Variants in ETHE1 observed in about 807,000 individuals in gnomAD.
ETHE1 encodes persulfide dioxygenase ETHE1, mitochondrial.
ETHE1 carries 16 observed loss-of-function variants against 25.7 expected under a neutral mutation model. That is an observed-to-expected ratio of 0.62 (90% CI 0.42 to 0.95). The LOEUF is 0.95. Among genes scored for constraint, ETHE1 ranks in the 40% least tolerant of loss-of-function variants. ETHE1 has a pLI of 0.00. For synonymous variants in ETHE1, 139 were observed against 135.9 expected (o/e 1.02, Z -0.16); for missense variants, 300 against 333.6 (o/e 0.90, Z 0.79).
At chr19:43,518,106 TA>T (rs765405657) in intron 3 of ETHE1, among the ~76,000 whole-genome samples, 6 of 146,154 alleles carry the variant, frequency 4.1e-5, no homozygotes, top group Non-Finnish European at 7.6e-5. Context: ...AAATAAATAA[TA>T]AAAAAGAAAA....
At chr19:43,513,797 C>A (rs1339162539) in intron 3 of ETHE1, among the ~76,000 whole-genome samples, 1 of 151,534 alleles carries the variant, frequency 6.6e-6, no homozygotes, top group East Asian at 1.9e-4. Context: ...TCTTGGCTCA[C>A]TGCAACCTCT....
intron 1 of ETHE1, 112 bp downstream of exon 1, chr19:43,526,985 C>A (rs1972265145): frequency 2.0e-6 from 3 of 1,532,406 alleles, no homozygotes; most frequent in Middle Eastern, 1.7e-4. Context: ...CCGCTTTCCG[C>A]AAGATGCAGG....
chr19:43,510,815 G>T (rs1971899702), intron 4 of ETHE1, among the ~76,000 whole-genome samples: 1 of 152,010 alleles, frequency 6.6e-6, no homozygotes, highest in African/African-American at 2.4e-5. Flanking sequence ...CTGGGTACCG[G>T]TCCGTGGTCT....
rs78536772 is a variant in ETHE1, at chr19:43,518,232, G to A, written c.376-6666C>T. The stretch of plus-strand genomic sequence containing the variant: ...TGTATCCTGGTTCCTAAAAACAGCC[G>A]TAGGCTGGGCACCGTGGCTCACACC... On this transcript the variant is annotated intron_variant, in intron 3 of 6. Coordinates refer to ENST00000292147, the MANE Select transcript of ETHE1 (RefSeq NM_014297.5). Among the ~76,000 whole-genome samples, 260 of 151,920 alleles carry A rather than the reference G, an allele frequency of 1.7e-3. 8 individuals carry two copies. In the East Asian group the frequency reaches 0.044, roughly 26 times the overall value.
rs539333907 is a variant in ETHE1 at position 43,516,353 on chromosome 19, G to A, written c.376-4787C>T. ...CTCACTCTGTCACCCAGGCTGGAGT[G>A]CAGTGGTGCGATCTCGGCTCACTGC... On this transcript the variant is annotated intron_variant, in intron 3 of 6. Coordinates refer to ENST00000292147, the MANE Select transcript of ETHE1 (RefSeq NM_014297.5). Among the ~76,000 whole-genome samples, 190 of 152,040 alleles carry A rather than the reference G, an allele frequency of 1.2e-3. 1 individual carries two copies. Among genetic ancestry groups the A allele is most frequent in the Admixed American group, 0.011 (163 of 15,260 alleles).
chr19:43,510,801 A>G (rs1971899374), intron 4 of ETHE1, among the ~76,000 whole-genome samples: 1 of 151,952 alleles, frequency 6.6e-6, no homozygotes, highest in South Asian at 2.1e-4. Flanking sequence ...GGGGGTCCTT[A>G]ACCCTGGGTA....
chr19:43,511,698 G>T, intron 3 of ETHE1, 132 bp from the exon 4 acceptor site: 1 of 999,568 alleles, frequency 1.0e-6, no homozygotes, highest in Non-Finnish European at 1.4e-6. Context: ...TTCCCAGGCT[G>T]TAATCTTATA....
At chr19:43,522,566 TC>T (rs965001053) in intron 3 of ETHE1, among the ~76,000 whole-genome samples, 1 of 152,200 alleles carries the variant, frequency 6.6e-6, no homozygotes, top group African/African-American at 2.4e-5. Context: ...AACCTCCACC[TC>T]CCGGGGGAGG....
At chr19:43,517,971 A>G (rs1055976395) in intron 3 of ETHE1, among the ~76,000 whole-genome samples, 3 of 151,590 alleles carry the variant, frequency 2.0e-5, no homozygotes, top group African/African-American at 4.8e-5. Flanking sequence ...ACAAAAAACA[A>G]AAGTCAATAT....
In ETHE1 at chr19:43,526,126, G is replaced by GC. The variant is rs1023865477; in HGVS notation, c.375+74dup. ...CCTCCCCAAGGACTCAGGATCCCAG[G>GC]CCCCCAGTCCCCTCTTCCCTTAAGT... On this transcript the variant is annotated intron_variant, in intron 3 of 6. Transcript: ENST00000292147. 8.1e-6 allele frequency: 13 copies of GC among 1,605,438 alleles called. No individual in the cohort carries two copies. The African/African-American group carries it at 1.2e-4, about 15-fold the overall frequency.
At position 43,506,815 on chromosome 19, in the gene ETHE1, T is replaced by G; in HGVS notation, c.*35A>C. ...CCGCCCTCTCCTCCCACCTAGTGCA[T>G]TAATAGTGGATGGGAGCATCTGACA... On this transcript the variant is annotated 3_prime_UTR_variant, in exon 7 of 7. Transcript: ENST00000292147. 6.3e-7 allele frequency: 1 copy of G among 1,587,740 alleles called. No individual in the cohort carries two copies. Among genetic ancestry groups the G allele is most frequent in the Non-Finnish European group, 8.6e-7 (1 of 1,157,168 alleles).
At chr19:43,516,271 A>T (rs1238396112) in intron 3 of ETHE1, among the ~76,000 whole-genome samples, 1 of 152,030 alleles carries the variant, frequency 6.6e-6, no homozygotes, top group Admixed American at 6.6e-5. Context: ...CTTGGTATAC[A>T]TGTGGTCCTT....
chr19:43,526,830 A>G, intron 1 of ETHE1, 171 bp from the exon 2 acceptor site: 29 of 1,493,732 alleles, frequency 1.9e-5, no homozygotes, highest in Non-Finnish European at 2.5e-5. Flanking sequence ...CTATCAGAAC[A>G]AAAGAGTTCC....
chr19:43,516,623 CTTTTTTTTTTTTT>C (rs71169249), intron 3 of ETHE1, among the ~76,000 whole-genome samples: 1 of 110,172 alleles, frequency 9.1e-6, no homozygotes, highest in East Asian at 2.7e-4. Flanking sequence ...TTCTTTTTTT[CTTTTTTTTTTTTT>C]TTTTTGAGAT....
chr19:43,508,908 A>C, intron 4 of ETHE1, 44 bp from the exon 5 acceptor site: 1 of 1,436,794 alleles, frequency 7.0e-7, no homozygotes, highest in East Asian at 2.3e-5. Flanking sequence ...ACAGGACAGA[A>C]GACTCTAACC....
chr19:43,508,698 C>A, intron 5 of ETHE1, 77 bp downstream of exon 5: 1 of 1,203,148 alleles, frequency 8.3e-7, no homozygotes, highest in Non-Finnish European at 1.2e-6. Flanking sequence ...CGTCTTCATG[C>A]CCTACAAGGA....
chr19:43,520,699 C>G (rs1448209380), intron 3 of ETHE1, among the ~76,000 whole-genome samples: 1 of 121,188 alleles, frequency 8.3e-6, no homozygotes, highest in East Asian at 2.3e-4. Context: ...GACCCTGTCT[C>G]AAAAAAAAAA....
At chr19:43,507,920 A>C in intron 6 of ETHE1, 24 bp downstream of exon 6, 1 of 1,604,930 alleles carries the variant, frequency 6.2e-7, no homozygotes. Context: ...TCAGACCCAG[A>C]AGTCCAGGTC....
At position 43,506,922 on chromosome 19, in the gene ETHE1, G is replaced by C. The variant is rs1238169560; in HGVS notation, c.713-20C>G. On this transcript the variant is annotated intron_variant, in intron 6 of 6. Transcript: ENST00000292147. ...CAAAGTCTGAAAGGAAGAAATCAAG[G>C]TTAAAACTAAGGGGCCTAGGTAGAG... 2.5e-6 allele frequency: 4 copies of C among 1,613,634 alleles called. No individual in the cohort carries two copies. Among genetic ancestry groups the C allele is most frequent in the Non-Finnish European group, 3.4e-6 (4 of 1,179,754 alleles).
Sources: gnomAD v4.1 joint callset for allele counts (sites outside exome capture counted in the v4.1 genomes callset) on GRCh38, gnomAD v4.1.1 for gene constraint, MANE v1.5 for transcripts, NCBI Gene and HGNC (gene_info 2026-07-23, HGNC 2026-07-21) for gene names.